ATG4C: variants seen among roughly 807,000 people sequenced by gnomAD.
The protein encoded by ATG4C is cysteine protease ATG4C.
Under a neutral mutation model 57.6 loss-of-function variants are expected in ATG4C, and 56 were observed. The observed-to-expected ratio is 0.97, with a 90% confidence interval of 0.78 to 1.21. The LOEUF (loss-of-function observed/expected upper bound fraction) is 1.21. Ranked by LOEUF, ATG4C falls within the 50% of genes most tolerant of loss-of-function variation. ATG4C has a pLI of 0.00. For synonymous variants in ATG4C, 157 were observed against 174.1 expected (o/e 0.90, Z 0.78); for missense variants, 595 against 529.8 (o/e 1.12, Z -1.21).
chr1:62,849,937 A>G (rs1391967538), intron 10 of ATG4C, among the ~76,000 whole-genome samples: 9 of 152,092 alleles, frequency 5.9e-5, no homozygotes, highest in Non-Finnish European at 8.8e-5. Context: ...TTAAGGTGTA[A>G]GGTGTGACTA....
intron 10 of ATG4C, among the ~76,000 whole-genome samples, chr1:62,841,903 C>T (rs576267573): frequency 3.0e-4 from 45 of 152,262 alleles, no homozygotes; most frequent in African/African-American, 9.1e-4. Context: ...AGTATTTGAT[C>T]AAGCCAAATT....
At chr1:62,830,935 AT>A (rs1340301020) in intron 7 of ATG4C, among the ~76,000 whole-genome samples, 1 of 152,166 alleles carries the variant, frequency 6.6e-6, no homozygotes, top group Non-Finnish European at 1.5e-5. Context: ...TAGGAACTGG[AT>A]TGTCTTTATG....
chr1:62,858,606 G>T (rs1392336482), intron 10 of ATG4C, among the ~76,000 whole-genome samples: 2 of 152,170 alleles, frequency 1.3e-5, no homozygotes, highest in Non-Finnish European at 2.9e-5. Context: ...GGAGGAGATA[G>T]AGAAGAAATC....
At chr1:62,838,058 G>A (rs535095678) in intron 9 of ATG4C, among the ~76,000 whole-genome samples, 89 of 152,296 alleles carry the variant, frequency 5.8e-4, no homozygotes, top group African/African-American at 2.0e-3. Flanking sequence ...ATAAGCATAT[G>A]TTTCAGTATG....
intron 9 of ATG4C, chr1:62,835,347 G>A: frequency 3.1e-6 from 1 of 323,420 alleles, no homozygotes; most frequent in Non-Finnish European, 6.3e-6. Flanking sequence ...AATTTTTTTT[G>A]AGCTTTTATT....
chr1:62,834,630 C>T (rs1269530265), intron 8 of ATG4C, 146 bp from the exon 9 acceptor site: 1 of 626,922 alleles, frequency 1.6e-6, no homozygotes, highest in South Asian at 2.1e-5. Context: ...CTATCCTGTG[C>T]AAACCTATGT....
At chr1:62,839,215 C>T (rs1256421105) in intron 9 of ATG4C, among the ~76,000 whole-genome samples, 1 of 152,166 alleles carries the variant, frequency 6.6e-6, no homozygotes, top group African/African-American at 2.4e-5. Flanking sequence ...AATGCCACCA[C>T]ACCTGGCTAT....
intron 1 of ATG4C, among the ~76,000 whole-genome samples, chr1:62,798,008 G>C (rs1664530382): frequency 6.6e-6 from 1 of 152,054 alleles, no homozygotes; most frequent in Non-Finnish European, 1.5e-5. Flanking sequence ...TTTTAGTAGA[G>C]ACGAGGTTTC....
At chr1:62,800,019 C>T (rs1268283824) in intron 1 of ATG4C, among the ~76,000 whole-genome samples, 2 of 152,070 alleles carry the variant, frequency 1.3e-5, no homozygotes, top group African/African-American at 2.4e-5. Context: ...ACTTAGGCAT[C>T]ATTATCTAAG....
chr1:62,827,695 G>A (rs1665707922), intron 6 of ATG4C, among the ~76,000 whole-genome samples: 1 of 151,912 alleles, frequency 6.6e-6, no homozygotes, highest in Non-Finnish European at 1.5e-5. Flanking sequence ...GGTACATGTG[G>A]TACTTGTTAG....
intron 9 of ATG4C, among the ~76,000 whole-genome samples, chr1:62,837,961 T>C (rs1343758435): frequency 6.6e-6 from 1 of 152,184 alleles, no homozygotes; most frequent in Non-Finnish European, 1.5e-5. Context: ...CGGTTAATTA[T>C]CAGTAGGTAC....
chr1:62,784,136 T>G lies in ATG4C; in HGVS notation c.-206T>G, dbSNP rs943926783. 1.3e-5 allele frequency: 2 copies of G among 152,768 alleles called. No individual in the cohort carries two copies. The highest frequency in any genetic ancestry group is 4.8e-5 in the African/African-American group (2 of 41,464). The allele number at this position is 152,768 out of a possible 1,614,324, so 9.5% of individuals were successfully genotyped here. A position where few individuals can be genotyped will look rare whatever the true frequency, so the allele number is the denominator to read the frequency against. On this transcript the variant is annotated 5_prime_UTR_variant, in exon 1 of 11. Coordinates refer to ENST00000317868, the MANE Select transcript of ATG4C (RefSeq NM_032852.4). ...ACTACGGTGGCCGGGGTGCTCAAAG[T>G]ACCTGTAGCTGCGGCGCTGAGGTCG...
intron 9 of ATG4C, among the ~76,000 whole-genome samples, chr1:62,836,783 T>C (rs918627894): frequency 4.6e-5 from 7 of 152,100 alleles, no homozygotes; most frequent in Non-Finnish European, 1.0e-4. Context: ...GGTTAATAGA[T>C]GGAGAAATTG....
chr1:62,803,091 A>G (rs1376353262), intron 1 of ATG4C, among the ~76,000 whole-genome samples: 1 of 152,214 alleles, frequency 6.6e-6, no homozygotes, highest in East Asian at 1.9e-4. Context: ...CAGTAATAAA[A>G]CAGACACTTA....
chr1:62,827,358 TC>T (rs36020063), intron 6 of ATG4C, among the ~76,000 whole-genome samples: 3 of 152,220 alleles, frequency 2.0e-5, no homozygotes, highest in African/African-American at 7.2e-5. Flanking sequence ...GGAATGCTTT[TC>T]CCCTAGGTAT....
At chr1:62,829,283 G>T in intron 7 of ATG4C, 107 bp downstream of exon 7, 1 of 1,222,920 alleles carries the variant, frequency 8.2e-7, no homozygotes, top group East Asian at 2.5e-5. Context: ...TTTTGTAGTT[G>T]TACGTTGTAC....
chr1:62,788,242 T>C (rs1375342498), intron 1 of ATG4C, among the ~76,000 whole-genome samples: 1 of 152,198 alleles, frequency 6.6e-6, no homozygotes, highest in Non-Finnish European at 1.5e-5. Context: ...TCAGCTGCTC[T>C]AAAATCAACC....
At chr1:62,809,325 G>A (rs1664988283) in intron 3 of ATG4C, among the ~76,000 whole-genome samples, 1 of 149,188 alleles carries the variant, frequency 6.7e-6, no homozygotes, top group Non-Finnish European at 1.5e-5. Flanking sequence ...ATATCCACAT[G>A]ATATTTATAC....
intron 3 of ATG4C, among the ~76,000 whole-genome samples, chr1:62,808,553 G>C (rs1011559498): frequency 6.6e-6 from 1 of 152,078 alleles, no homozygotes; most frequent in African/African-American, 2.4e-5. Context: ...GAAGAAGAAG[G>C]ATCAGTGAAT....
Sources: gnomAD v4.1 joint callset for allele counts (sites outside exome capture counted in the v4.1 genomes callset) on GRCh38, gnomAD v4.1.1 for gene constraint, MANE v1.5 for transcripts, NCBI Gene and HGNC (gene_info 2026-07-23, HGNC 2026-07-21) for gene names.